The following SLC12A1 variants were observed in gnomAD, a reference collection of about 807,000 sequenced individuals.
SLC12A1 encodes the protein solute carrier family 12 member 1.
A neutral mutation model predicts 130.4 loss-of-function variants in SLC12A1; 89 were observed. The observed-to-expected ratio is 0.68, with a 90% confidence interval of 0.58 to 0.81. The LOEUF is 0.81. SLC12A1 is among the 40% of genes least tolerant of loss of function. The pLI is 0.00. For synonymous variants in SLC12A1, 499 were observed against 460.0 expected, an observed-to-expected ratio of 1.08 and a Z score of -1.09; for missense variants, 1,310 against 1,336.4, an observed-to-expected ratio of 0.98 and a Z score of 0.31.
At chr15:48,275,416 C>T (rs558813002) in intron 20 of SLC12A1, among the ~76,000 whole-genome samples, 3 of 152,148 alleles carry the variant, frequency 2.0e-5, no homozygotes, top group South Asian at 4.2e-4. Flanking sequence ...TTCTGTCGTG[C>T]CCTCAAGAGA....
chr15:48,220,900 C>A (rs770954068), intron 3 of SLC12A1, 21 bp from the exon 4 acceptor site: 2 of 1,613,550 alleles, frequency 1.2e-6, no homozygotes, highest in Non-Finnish European at 1.7e-6. Context: ...TGTCTCCTTT[C>A]AATACCGCTT....
At chr15:48,246,387 C>T (rs544743727) in intron 11 of SLC12A1, among the ~76,000 whole-genome samples, 4 of 152,264 alleles carry the variant, frequency 2.6e-5, no homozygotes, top group Admixed American at 6.5e-5. Flanking sequence ...CCATTTCCTT[C>T]TTTATTCTTT....
intron 5 of SLC12A1, chr15:48,228,440 G>A (rs763743522): frequency 2.7e-4 from 42 of 157,350 alleles, no homozygotes; most frequent in Non-Finnish European, 4.8e-4. Flanking sequence ...AGGAATAATC[G>A]TGCCTTCTTG....
chr15:48,220,254 T>G (rs1455407032), intron 2 of SLC12A1, among the ~76,000 whole-genome samples: 2 of 152,100 alleles, frequency 1.3e-5, no homozygotes, highest in African/African-American at 4.8e-5. Context: ...GTTTCTCTTT[T>G]TGGTCGTAAC....
intron 9 of SLC12A1, 31 bp downstream of exon 9, chr15:48,235,035 G>A: frequency 1.9e-6 from 3 of 1,611,618 alleles, no homozygotes; most frequent in Non-Finnish European, 1.7e-6. Flanking sequence ...TGCAGTCCTG[G>A]GAGTGGTGGT....
At chr15:48,250,714 G>T (rs1444570890) in intron 14 of SLC12A1, among the ~76,000 whole-genome samples, 6 of 94,962 alleles carry the variant, frequency 6.3e-5, no homozygotes, top group Non-Finnish European at 9.8e-5. Context: ...ACACGGACGG[G>T]AAGCCAGACT....
At position 48,218,910 on chromosome 15, in the gene SLC12A1, T is replaced by G. The variant is rs1313331721; in HGVS notation, c.421-1724T>G. 3.9e-5 allele frequency among the ~76,000 whole-genome samples: 6 copies of G among 152,330 alleles called. No homozygotes were observed. In the East Asian group the frequency reaches 7.7e-4, roughly 20 times the overall value. ...CCATATCTTAAAGAGAAATTATAGA[T>G]AGAGAACTATTCTCAATTTGACAGA... On this transcript the variant is annotated intron_variant, in intron 2 of 26. Coordinates refer to ENST00000380993, the MANE Select transcript of SLC12A1 (RefSeq NM_000338.3).
intron 25 of SLC12A1, 51 bp downstream of exon 25, chr15:48,299,326 G>A: frequency 6.9e-7 from 1 of 1,445,330 alleles, no homozygotes; most frequent in Non-Finnish European, 9.2e-7. Flanking sequence ...GCTGAGAAAG[G>A]AAACAGTAGT....
rs2041930951 is a variant in SLC12A1, at chr15:48,274,593, G to C, written c.2425G>C (p.Gly809Arg). 6.2e-7 allele frequency: 1 copy of C among 1,612,756 alleles called. No homozygotes were observed. The highest frequency in any genetic ancestry group is 1.3e-5 in the African/African-American group (1 of 74,898). The change falls in exon 20 of 27, where the codon GGC becomes CGC. Residue 809 changes from glycine to arginine, a missense_variant. By Grantham distance (125) the Gly-to-Arg change is moderately radical (BLOSUM62 -2). Coordinates refer to ENST00000380993, the MANE Select transcript of SLC12A1 (RefSeq NM_000338.3). Reference sequence around the variant, plus strand: ...CAGTGATGCATTTGATTTTGAGATTGGCGTGGTTATAGTCAGAATCAGCCA... The same window carrying C: ...CAGTGATGCATTTGATTTTGAGATTCGCGTGGTTATAGTCAGAATCAGCCA... ...IIHDAFDFEI[G>R]VVIVRISQGF... is the part of the protein sequence containing the mutation.
chr15:48,207,853 A>T lies in SLC12A1; in HGVS notation c.134A>T (p.Tyr45Phe). ...AADDNTDPPH[Y>F]EETSFGDEAQ... ...GATGACAATACTGACCCACCACATT[A>T]TGAAGAAACCTCTTTTGGGGATGAA... Residue 45 changes from tyrosine to phenylalanine, a missense_variant, in exon 2 of 27, where the codon TAT becomes TTT. Coordinates refer to ENST00000380993, the MANE Select transcript of SLC12A1 (RefSeq NM_000338.3). The T allele has an allele frequency of 6.2e-7, 1 of 1,614,016 alleles. No individual in the cohort carries two copies. Among genetic ancestry groups the T allele is most frequent in the South Asian group, 1.1e-5 (1 of 91,084 alleles).
intron 9 of SLC12A1, chr15:48,236,983 C>A: frequency 1.4e-6 from 1 of 702,318 alleles, no homozygotes; most frequent in Non-Finnish European, 2.6e-6. Flanking sequence ...CCTGTTCACA[C>A]CAGGCACTGA....
chr15:48,213,019 A>T (rs921632120), intron 2 of SLC12A1, among the ~76,000 whole-genome samples: 1 of 152,226 alleles, frequency 6.6e-6, no homozygotes, highest in Non-Finnish European at 1.5e-5. Context: ...CAAGGAAGGT[A>T]CTATTATTAT....
intron 24 of SLC12A1, among the ~76,000 whole-genome samples, chr15:48,293,762 C>T (rs1200871366): frequency 2.6e-5 from 4 of 152,154 alleles, no homozygotes; most frequent in Non-Finnish European, 5.9e-5. Flanking sequence ...AACACCTTAA[C>T]TGCAAGGCGC....
At position 48,207,750 on chromosome 15, in the gene SLC12A1, C is replaced by T; in HGVS notation, c.31C>T (p.Leu11=). MSLNNSSNVF[L]DSVPSNTNRF... ...ACTGAACAACTCTTCCAATGTATTT[C>T]TGGATTCAGTGCCCAGTAATACCAA... Residue 11 remains leucine (L), a synonymous_variant, in exon 2 of 27, where the codon CTG becomes TTG. Transcript: ENST00000380993. The T allele has an allele frequency of 6.3e-7, 1 of 1,595,500 alleles. No homozygotes were observed. Among genetic ancestry groups the T allele is most frequent in the Non-Finnish European group, 8.5e-7 (1 of 1,170,392 alleles).
At chr15:48,298,418 C>T (rs192405614) in intron 24 of SLC12A1, among the ~76,000 whole-genome samples, 22 of 152,218 alleles carry the variant, frequency 1.4e-4, no homozygotes, top group African/African-American at 5.1e-4. Context: ...TCAGCGATTT[C>T]TTTTTAAATG....
Position 48,241,597 on chromosome 15 carries a change from T to C in SLC12A1, c.1298T>C (p.Val433Ala). 1 of 1,611,002 alleles carries C rather than the reference T, an allele frequency of 6.2e-7. No homozygotes were observed. Among genetic ancestry groups the C allele is most frequent in the Non-Finnish European group, 8.5e-7 (1 of 1,177,168 alleles). Residue 433 changes from valine (V) to alanine (A), a missense_variant and splice_region_variant, in exon 10 of 27, where the codon GTA becomes GCA. Physicochemically the swap from Val to Ala is moderately conservative, Grantham distance 64 (BLOSUM62 0). Transcript: ENST00000380993. ...TVAYLGVAICVGACVVRDATG... is the reference protein window; with the variant it reads ...TVAYLGVAICAGACVVRDATG... ...GCCTACTTAGGGGTTGCAATTTGTG[T>C]AGGTAAGTGGTACGTCTCCAGTGTC... is the stretch of plus-strand genomic sequence containing the variant.
chr15:48,220,126 A>AGGTAGAT (rs1160325480), intron 2 of SLC12A1, among the ~76,000 whole-genome samples: 4 of 43,188 alleles, frequency 9.3e-5, no homozygotes, highest in African/African-American at 3.6e-4. Flanking sequence ...AAAAAAAAAA[A>AGGTAGAT]AAAGGTAGAT....
intron 2 of SLC12A1, among the ~76,000 whole-genome samples, chr15:48,210,244 A>G (rs905103521): frequency 6.6e-6 from 1 of 152,238 alleles, no homozygotes; most frequent in African/African-American, 2.4e-5. Flanking sequence ...ATTAAAATGA[A>G]TCAAAGTTCT....
At chr15:48,266,853 A>G (rs2041836996) in intron 17 of SLC12A1, among the ~76,000 whole-genome samples, 1 of 152,210 alleles carries the variant, frequency 6.6e-6, no homozygotes, top group Non-Finnish European at 1.5e-5. Flanking sequence ...TCCAGAACTA[A>G]ATCTTGAAAT....
Sources: allele counts gnomAD v4.1 joint callset (sites outside exome capture counted in the v4.1 genomes callset), GRCh38; gene constraint gnomAD v4.1.1; transcripts MANE v1.5; gene names NCBI Gene and HGNC (gene_info 2026-07-23, HGNC 2026-07-21).